Variants in DLG5 observed in about 807,000 individuals in gnomAD.
The protein encoded by DLG5 is disks large homolog 5.
In DLG5, 48 loss-of-function variants were observed where a neutral mutation model predicts 189.8. The observed-to-expected ratio is 0.25, with a 90% CI of 0.20 to 0.32. The LOEUF is 0.32. Ranked by LOEUF, DLG5 falls within the 10% of genes least tolerant of loss-of-function variation. The pLI is 1.00. For missense variants in DLG5, 2,160 were observed against 2,544.7 expected (o/e 0.85, Z 3.25); for synonymous variants, 1,016 against 1,054.1 (o/e 0.96, Z 0.70).
intron 1 of DLG5, among the ~76,000 whole-genome samples, chr10:77,894,127 T>G (rs978783595): frequency 6.6e-6 from 1 of 152,184 alleles, no homozygotes; most frequent in African/African-American, 2.4e-5. Flanking sequence ...AGCCTGTGTG[T>G]GTGAGAGGCT....
intron 5 of DLG5, among the ~76,000 whole-genome samples, chr10:77,849,007 C>T (rs1218882585): frequency 2.6e-5 from 4 of 152,228 alleles, no homozygotes; most frequent in Non-Finnish European, 5.9e-5. Context: ...ATTCTTGACA[C>T]AGCCTAGAAG....
chr10:77,845,458 C>T (rs1564542093), intron 5 of DLG5: 1 of 152,162 alleles, frequency 6.6e-6, no homozygotes. Context: ...ACGAAAAACA[C>T]AAAAAGCAAA....
At chr10:77,840,939 A>G (rs1843387435) in intron 7 of DLG5, among the ~76,000 whole-genome samples, 1 of 152,166 alleles carries the variant, frequency 6.6e-6, no homozygotes, top group Non-Finnish European at 1.5e-5. Flanking sequence ...GTAATGATCC[A>G]ATGCATACCA....
chr10:77,900,691 C>G (rs1408164195), intron 1 of DLG5, among the ~76,000 whole-genome samples: 1 of 152,092 alleles, frequency 6.6e-6, no homozygotes, highest in Non-Finnish European at 1.5e-5. Context: ...AATCCCAGCA[C>G]TTTGGGAGGC....
At chr10:77,805,020 G>A (rs1394892241) in intron 27 of DLG5, among the ~76,000 whole-genome samples, 1 of 152,080 alleles carries the variant, frequency 6.6e-6, no homozygotes, top group Non-Finnish European at 1.5e-5. Context: ...ACCCAGGCTG[G>A]AGTACGGTGG....
intron 31 of DLG5, 78 bp downstream of exon 31, chr10:77,793,930 G>A (rs2579150): frequency 0.28 from 384,422 of 1,357,234 alleles, 57,506 homozygotes; most frequent in Admixed American, 0.44. Context: ...GCTTCTCCAC[G>A]GCTAAGAAAA....
chr10:77,909,735 C>T (rs1460186676), intron 1 of DLG5, among the ~76,000 whole-genome samples: 3 of 152,074 alleles, frequency 2.0e-5, no homozygotes, highest in Non-Finnish European at 4.4e-5. Context: ...AACTCTAAAC[C>T]GCCATGGGTT....
At chr10:77,912,490 C>T (rs1192806305) in intron 1 of DLG5, 3 of 152,138 alleles carry the variant, frequency 2.0e-5, no homozygotes, top group African/African-American at 4.8e-5. Flanking sequence ...TCAAGCGATC[C>T]TCCCTCCTCA....
chr10:77,833,766 G>T, intron 9 of DLG5, 148 bp downstream of exon 9: 1 of 1,148,098 alleles, frequency 8.7e-7, no homozygotes, highest in Non-Finnish European at 1.2e-6. Context: ...ACAGAGTAAG[G>T]CAGAGTGAAG....
chr10:77,819,190 C>T, intron 17 of DLG5, 131 bp downstream of exon 17: 1 of 1,354,308 alleles, frequency 7.4e-7, no homozygotes, highest in East Asian at 2.4e-5. Flanking sequence ...CCCTGTGCTG[C>T]TCTAGCCAGT....
chr10:77,833,595 A>G (rs1033457728), intron 9 of DLG5, among the ~76,000 whole-genome samples: 4 of 152,166 alleles, frequency 2.6e-5, no homozygotes, highest in Non-Finnish European at 5.9e-5. Flanking sequence ...GAATGAATGG[A>G]TAACACATGC....
In DLG5 at chr10:77,856,783, G is replaced by C. The variant is rs746233632; in HGVS notation, c.483C>G (p.Asn161Lys). ...IQLRLMTRER[N>K]ELRKRLAFAT... ...CAAAGGCCAGGCGCTTGCGGAGCTC[G>C]TTTCTCTCCCGGGTCATCAGCCGCA... The change falls in exon 3 of 32, where the codon AAC becomes AAG. Residue 161 changes from asparagine (N) to lysine (K), a missense_variant. Transcript: ENST00000372391. 2 of 1,613,552 alleles carry C rather than the reference G, an allele frequency of 1.2e-6. No homozygotes were observed. Among genetic ancestry groups the C allele is most frequent in the Non-Finnish European group, 1.7e-6 (2 of 1,180,018 alleles).
chr10:77,806,996 T>C, intron 25 of DLG5, 68 bp from the exon 26 acceptor site: 1 of 1,554,310 alleles, frequency 6.4e-7, no homozygotes, highest in Non-Finnish European at 8.8e-7. Context: ...AGGTGCCTTC[T>C]GTGGCCAGGC....
At chr10:77,885,016 A>T (rs1845396750) in intron 1 of DLG5, among the ~76,000 whole-genome samples, 1 of 152,226 alleles carries the variant, frequency 6.6e-6, no homozygotes, top group African/African-American at 2.4e-5. Flanking sequence ...TGTCACACCC[A>T]GAGCAGGAGT....
At position 77,816,792 on chromosome 10, in the gene DLG5, G is replaced by A. The variant is rs1842076648; in HGVS notation, c.3875-91C>T. Reference sequence around the variant, plus strand: ...GAGGCAGGTGCGATCCAGACACACAGCTCTATCCCCACTGCATCGCATAGT... The same window carrying A: ...GAGGCAGGTGCGATCCAGACACACAACTCTATCCCCACTGCATCGCATAGT... On this transcript the variant is annotated intron_variant, in intron 19 of 31. Transcript: ENST00000372391. 4 of 1,513,200 alleles carry A rather than the reference G, an allele frequency of 2.6e-6. No homozygotes were observed. The African/African-American group carries it at 4.1e-5, about 16-fold the overall frequency. 93.7% of individuals were successfully genotyped at this position (1,513,200 alleles called of 1,614,324 possible).
the DLG5 span, among the ~76,000 whole-genome samples, chr10:77,940,284 C>G: frequency 2.6e-5 from 4 of 152,200 alleles, no homozygotes; most frequent in African/African-American, 7.2e-5. Flanking sequence ...CACTTCCCTG[C>G]CCACCTTTGA....
chr10:77,854,509 A>T (rs1423480383), intron 3 of DLG5, 139 bp from the exon 4 acceptor site: 25 of 1,142,616 alleles, frequency 2.2e-5, no homozygotes, highest in African/African-American at 3.1e-5. Flanking sequence ...GGTGTTTGTT[A>T]AACTCAGATA....
intron 22 of DLG5, 105 bp downstream of exon 22, chr10:77,811,819 C>T: frequency 6.9e-7 from 1 of 1,439,580 alleles, no homozygotes; most frequent in Non-Finnish European, 9.2e-7. Context: ...AGTAGGATCC[C>T]CAGAACTTAC....
intron 20 of DLG5, among the ~76,000 whole-genome samples, 196 bp from the exon 21 acceptor site, chr10:77,812,573 C>T (rs1050313796): frequency 9.2e-5 from 14 of 152,186 alleles, no homozygotes; most frequent in Admixed American, 7.9e-4. Context: ...CACAGCCTCA[C>T]GCAACACGAG....
Sources: gnomAD v4.1 joint callset for allele counts (sites outside exome capture counted in the v4.1 genomes callset) on GRCh38, gnomAD v4.1.1 for gene constraint, MANE v1.5 for transcripts, NCBI Gene and HGNC (gene_info 2026-07-23, HGNC 2026-07-21) for gene names.